The following AKAP13 variants were observed in gnomAD, a reference collection of about 807,000 sequenced individuals.
The protein encoded by AKAP13 is A-kinase anchor protein 13.
AKAP13 carries 80 observed loss-of-function variants against 264.5 expected under a neutral mutation model. The observed-to-expected ratio is 0.30, with a 90% CI of 0.25 to 0.36. The LOEUF (loss-of-function observed/expected upper bound fraction) is 0.36, where lower values mean the gene tolerates loss of function less well. AKAP13 is among the 10% of genes least tolerant of loss of function. The probability of loss-of-function intolerance (pLI) is 1.00; values close to 1 mark genes in which losing one functional copy is unlikely to be tolerated. For synonymous variants in AKAP13, 1,380 were observed against 1,250.2 expected (o/e 1.10, Z -2.19); for missense variants, 3,712 against 3,435.2 (o/e 1.08, Z -2.01).
At chr15:85,440,632 A>G (rs2073598787) in intron 1 of AKAP13, among the ~76,000 whole-genome samples, 1 of 152,214 alleles carries the variant, frequency 6.6e-6, no homozygotes, top group Non-Finnish European at 1.5e-5. Flanking sequence ...TCAGGTACCT[A>G]AAAGGGAGGG....
intron 17 of AKAP13, chr15:85,702,517 C>T (rs1290416381): frequency 6.6e-6 from 1 of 152,128 alleles, no homozygotes; most frequent in Non-Finnish European, 1.5e-5. Context: ...AATGTAGCAT[C>T]CATGCAGTTA....
At chr15:85,569,707 A>G (rs1422368448) in intron 5 of AKAP13, among the ~76,000 whole-genome samples, 2 of 151,956 alleles carry the variant, frequency 1.3e-5, no homozygotes, top group Non-Finnish European at 2.9e-5. Flanking sequence ...AAGTGCTGGG[A>G]TTACAACTGT....
chr15:85,582,878 T>C (rs1003350973), intron 7 of AKAP13: 1 of 985,396 alleles, frequency 1.0e-6, no homozygotes, highest in South Asian at 4.7e-5. Flanking sequence ...GTCTGCTTTA[T>C]CTTGGTGAAG....
In AKAP13 at chr15:85,562,149, A is replaced by G. The variant is rs527661111; in HGVS notation, c.663-12982A>G. Among the ~76,000 whole-genome samples the G allele has an allele frequency of 2.6e-5, 4 of 152,344 alleles. No individual in the cohort carries two copies. The East Asian group carries it at 7.7e-4, about 29-fold the overall frequency. Reference sequence around the variant, plus strand: ...AAATGAGATGATGTGTACCAAATGCACAGTTCAATATCTGATACATTGTTA... The same window carrying G: ...AAATGAGATGATGTGTACCAAATGCGCAGTTCAATATCTGATACATTGTTA... On this transcript the variant is annotated intron_variant, in intron 5 of 36. Coordinates refer to ENST00000394518, the MANE Select transcript of AKAP13 (RefSeq NM_007200.5).
chr15:85,411,620 G>C (rs1361995727), intron 1 of AKAP13, among the ~76,000 whole-genome samples: 2 of 152,024 alleles, frequency 1.3e-5, no homozygotes, highest in African/African-American at 4.8e-5. Context: ...TGTATCTTTC[G>C]TAGAGACAGG....
chr15:85,579,531 A>G lies in AKAP13; in HGVS notation c.1463A>G (p.Asn488Ser), dbSNP rs1349387278. Residue 488 changes from asparagine to serine, a missense_variant, in exon 7 of 37, where the codon AAC (asparagine) becomes AGC (serine). Asn to Ser is a conservative substitution (Grantham distance 46). Transcript: ENST00000394518. ...GGGGAAATGGAACATGGGCTCATGA[A>G]CCCAGATGCCACTGTTTGGAAGAAT... ...TAGEMEHGLM[N>S]PDATVWKNVL... 1 of 1,614,144 alleles carries G rather than the reference A, an allele frequency of 6.2e-7. No individual in the cohort carries two copies.
intron 5 of AKAP13, among the ~76,000 whole-genome samples, chr15:85,569,758 C>CA: frequency 6.6e-6 from 1 of 152,134 alleles, no homozygotes; most frequent in East Asian, 1.9e-4. Context: ...TTAAATTCTG[C>CA]AAAACTCAGG....
chr15:85,739,180 C>T (rs1299359698), intron 33 of AKAP13, among the ~76,000 whole-genome samples: 1 of 152,260 alleles, frequency 6.6e-6, no homozygotes, highest in Non-Finnish European at 1.5e-5. Context: ...TCACAGCTCT[C>T]TGATTATTTC....
chr15:85,534,012 T>C (rs2151191621), intron 4 of AKAP13, 132 bp downstream of exon 4: 1 of 1,029,364 alleles, frequency 9.7e-7, no homozygotes, highest in African/African-American at 1.6e-5. Context: ...AGAATTACTG[T>C]AGGAAAGTGG....
chr15:85,516,432 A>G (rs554675320), intron 2 of AKAP13, among the ~76,000 whole-genome samples: 1 of 152,376 alleles, frequency 6.6e-6, no homozygotes, highest in Admixed American at 6.5e-5. Flanking sequence ...TCACGGTGAT[A>G]CACTAACAAG....
chr15:85,398,596 C>T (rs950972939), intron 1 of AKAP13, among the ~76,000 whole-genome samples: 3 of 152,158 alleles, frequency 2.0e-5, no homozygotes, highest in Non-Finnish European at 2.9e-5. Context: ...CACTCTGTCG[C>T]CCAGGCCAGA....
At chr15:85,649,503 T>C (rs7180842) in intron 10 of AKAP13, among the ~76,000 whole-genome samples, 2,783 of 152,310 alleles carry the variant, frequency 0.018, 81 homozygotes, top group African/African-American at 0.058. Flanking sequence ...CTCTAAAAAA[T>C]AATCTGTAGG....
chr15:85,465,016 C>G (rs1290058012), intron 1 of AKAP13, among the ~76,000 whole-genome samples: 1 of 152,154 alleles, frequency 6.6e-6, no homozygotes, highest in East Asian at 1.9e-4. Context: ...TCTCGGCTCA[C>G]TGCAAGCTCC....
At chr15:85,663,975 G>A (rs190381538) in intron 12 of AKAP13, among the ~76,000 whole-genome samples, 3 of 152,300 alleles carry the variant, frequency 2.0e-5, no homozygotes, top group East Asian at 1.9e-4. Context: ...AACAATTCTC[G>A]AGAAGTCTGT....
intron 6 of AKAP13, 35 bp downstream of exon 6, chr15:85,575,364 A>T: frequency 6.3e-7 from 1 of 1,576,002 alleles, no homozygotes. Flanking sequence ...AAGTATATGC[A>T]TGTGTATGTG....
At chr15:85,543,751 C>T (rs202157446) in intron 4 of AKAP13, 21 bp from the exon 5 acceptor site, 4 of 1,576,082 alleles carry the variant, frequency 2.5e-6, no homozygotes, top group East Asian at 4.5e-5. Flanking sequence ...CACTTACGTT[C>T]ATTTTCTCCC....
At position 85,578,932 on chromosome 15, in the gene AKAP13, A is replaced by G; in HGVS notation, c.864A>G (p.Lys288=). The G allele has an allele frequency of 1.1e-5, 17 of 1,603,560 alleles. No homozygotes were observed. The highest frequency in any genetic ancestry group is 1.5e-5 in the Non-Finnish European group (17 of 1,172,290). ...KLMNIQQQLM[K]TNLKQMDSLM... ...AAGTGTATTTCATTTCCTCCTAGAA[A>G]ACAAACCTCAAGCAGATGGACAGTC... The change falls in exon 7 of 37, where the codon AAA becomes AAG. Residue 288 remains lysine (K), a splice_region_variant and synonymous_variant. Transcript: ENST00000394518.
In AKAP13 at chr15:85,555,487, C is replaced by T. The variant is rs775872454; in HGVS notation, c.662+11532C>T. ...GCGATATTCGGGGTGCTTGGGCAGC[C>T]ATGTGTGAGTATCAGCTTCCAGACC... On this transcript the variant is annotated intron_variant, in intron 5 of 36. Transcript: ENST00000394518. 1.6e-5 allele frequency: 21 copies of T among 1,282,698 alleles called. No individual in the cohort carries two copies. The Middle Eastern group carries it at 1.3e-3, about 78-fold the overall frequency. The allele number at this position is 1,282,698 out of a possible 1,614,324, so 79.5% of individuals were successfully genotyped here.
At chr15:85,512,581 A>G (rs1027700836) in intron 2 of AKAP13, among the ~76,000 whole-genome samples, 2 of 152,096 alleles carry the variant, frequency 1.3e-5, no homozygotes, top group Non-Finnish European at 2.9e-5. Context: ...TAGGAATCCT[A>G]CTTGGATTTG....
Sources: allele counts gnomAD v4.1 joint callset (sites outside exome capture counted in the v4.1 genomes callset), GRCh38; gene constraint gnomAD v4.1.1; transcripts MANE v1.5; gene names NCBI Gene and HGNC (gene_info 2026-07-23, HGNC 2026-07-21).